The following ANTXR1 variants were observed in gnomAD, a reference collection of about 807,000 sequenced individuals.
The protein encoded by ANTXR1 is ANTXR cell adhesion molecule 1.
Under a neutral mutation model 78.1 loss-of-function variants are expected in ANTXR1, and 19 were observed. The observed-to-expected ratio is 0.24, with a 90% confidence interval of 0.17 to 0.36. The LOEUF (loss-of-function observed/expected upper bound fraction) is 0.36, where lower values mean the gene tolerates loss of function less well. ANTXR1 is among the 10% of genes least tolerant of loss of function. ANTXR1 has a pLI of 1.00. For synonymous variants in ANTXR1, 273 were observed against 260.5 expected (o/e 1.05, Z -0.46); for missense variants, 518 against 718.6 (o/e 0.72, Z 3.19).
chr2:69,150,674 C>CTATT (rs55680731), intron 12 of ANTXR1, among the ~76,000 whole-genome samples: 92,364 of 151,350 alleles, frequency 0.61, 29,340 homozygotes, highest in East Asian at 0.85. Flanking sequence ...ATACATAAAT[C>CTATT]CATTATACCA....
intron 4 of ANTXR1, among the ~76,000 whole-genome samples, chr2:69,071,181 C>T (rs1670553329): frequency 6.6e-6 from 1 of 152,202 alleles, no homozygotes; most frequent in South Asian, 2.1e-4. Context: ...TCCATGTTGA[C>T]AACTACAGTC....
At chr2:69,118,915 C>T (rs1173914449) in intron 10 of ANTXR1, among the ~76,000 whole-genome samples, 8 of 152,112 alleles carry the variant, frequency 5.3e-5, no homozygotes, top group Admixed American at 4.6e-4. Context: ...ACAATCCTCT[C>T]GGAGCAGAAA....
In ANTXR1 at chr2:69,124,695, C is replaced by T. The variant is rs771886444; in HGVS notation, c.951+52C>T. On this transcript the variant is annotated intron_variant, in intron 12 of 17. Coordinates refer to ENST00000303714, the MANE Select transcript of ANTXR1 (RefSeq NM_032208.3). ...AAGATCTCATTATCATTGTCACTATCAACGTTTCTTAAGCAGTAATCTTCT... is the reference window on the plus strand; with the variant it reads ...AAGATCTCATTATCATTGTCACTATTAACGTTTCTTAAGCAGTAATCTTCT... 3.1e-6 allele frequency: 5 copies of T among 1,588,636 alleles called. No homozygotes were observed. In the South Asian group the frequency reaches 4.4e-5, roughly 14 times the overall value.
chr2:69,127,220 G>T (rs1672569357), intron 12 of ANTXR1, among the ~76,000 whole-genome samples: 1 of 152,158 alleles, frequency 6.6e-6, no homozygotes, highest in African/African-American at 2.4e-5. Flanking sequence ...AAGCGAGTAG[G>T]TTCCAATTGT....
intron 1 of ANTXR1, among the ~76,000 whole-genome samples, chr2:69,026,411 G>A (rs930393053): frequency 1.3e-5 from 2 of 152,200 alleles, no homozygotes; most frequent in East Asian, 1.9e-4. Context: ...TCAGAACAGC[G>A]TTGGCCACAC....
intron 13 of ANTXR1, among the ~76,000 whole-genome samples, chr2:69,163,809 C>T (rs1446782728): frequency 6.6e-6 from 1 of 152,236 alleles, no homozygotes; most frequent in African/African-American, 2.4e-5. Context: ...GCAGCATTTT[C>T]ACATTCACCT....
At chr2:69,059,724 A>G (rs1670177156) in intron 3 of ANTXR1, among the ~76,000 whole-genome samples, 1 of 152,190 alleles carries the variant, frequency 6.6e-6, no homozygotes, top group African/African-American at 2.4e-5. Context: ...TAACTTTTAT[A>G]TGCACTGGGA....
chr2:69,055,407 G>A (rs1307953799), intron 3 of ANTXR1, among the ~76,000 whole-genome samples: 3 of 152,170 alleles, frequency 2.0e-5, no homozygotes, highest in Non-Finnish European at 4.4e-5. Context: ...TGTCTCTACA[G>A]AAGGTTTGTT....
chr2:69,117,054 T>C (rs1672167565), intron 10 of ANTXR1, among the ~76,000 whole-genome samples: 2 of 152,188 alleles, frequency 1.3e-5, no homozygotes, highest in Admixed American at 1.3e-4. Context: ...ATGGCTTCAT[T>C]CTAGTTGGCA....
chr2:69,029,786 T>C (rs1671473669), intron 1 of ANTXR1, among the ~76,000 whole-genome samples: 1 of 151,690 alleles, frequency 6.6e-6, no homozygotes, highest in African/African-American at 2.4e-5. Flanking sequence ...GGAAAATATA[T>C]GTGAAAAAAT....
chr2:69,115,055 TG>T (rs1028882947), intron 10 of ANTXR1, among the ~76,000 whole-genome samples: 1 of 152,170 alleles, frequency 6.6e-6, no homozygotes, highest in Non-Finnish European at 1.5e-5. Flanking sequence ...AATTTATAGC[TG>T]GGGAGTGGGG....
At chr2:69,200,524 G>A (rs1194661629) in intron 17 of ANTXR1, among the ~76,000 whole-genome samples, 1 of 152,200 alleles carries the variant, frequency 6.6e-6, no homozygotes, top group Non-Finnish European at 1.5e-5. Context: ...CTGCACTCTT[G>A]CATTCTCTCT....
rs540484720 is a variant in ANTXR1 at position 69,137,205 on chromosome 2, G to T, written c.951+12562G>T. ...ATGTTGTGTTTTTTTTAAGTTTATG[G>T]TTCTACTTTTTCTGGTCTCTCGCTT... On this transcript the variant is annotated intron_variant, in intron 12 of 17. Transcript: ENST00000303714. Among the ~76,000 whole-genome samples, 3 of 152,038 alleles carry T rather than the reference G, an allele frequency of 2.0e-5. No individual in the cohort carries two copies. The South Asian group carries it at 6.2e-4, about 32-fold the overall frequency.
rs749773770 is a variant in ANTXR1, at chr2:69,245,504, T to A, written c.*19T>A. 5 of 1,612,422 alleles carry A rather than the reference T, an allele frequency of 3.1e-6. No individual in the cohort carries two copies. The South Asian group carries it at 4.4e-5, about 14-fold the overall frequency. ...TGTCTAGAGCCCAAAGTTCCTGCTCTGGGCTCTCTCAGAAACTTCAGGAGA... is the reference window on the plus strand; with the variant it reads ...TGTCTAGAGCCCAAAGTTCCTGCTCAGGGCTCTCTCAGAAACTTCAGGAGA... On this transcript the variant is annotated 3_prime_UTR_variant, in exon 18 of 18. Transcript: ENST00000303714.
At chr2:69,142,585 C>A (rs571837871) in intron 12 of ANTXR1, among the ~76,000 whole-genome samples, 2 of 152,304 alleles carry the variant, frequency 1.3e-5, no homozygotes, top group East Asian at 3.9e-4. Context: ...AAAACCGTGT[C>A]CATTTTATGC....
intron 14 of ANTXR1, among the ~76,000 whole-genome samples, chr2:69,179,384 A>G (rs770526882): frequency 1.3e-5 from 2 of 152,014 alleles, no homozygotes; most frequent in Non-Finnish European, 2.9e-5. Context: ...CCATCTTTAC[A>G]AAAAATAGAA....
intron 12 of ANTXR1, among the ~76,000 whole-genome samples, chr2:69,128,296 A>C (rs1672614669): frequency 6.6e-6 from 1 of 152,204 alleles, no homozygotes; most frequent in Non-Finnish European, 1.5e-5. Context: ...AAGATAATAA[A>C]AAATTTATAT....
chr2:69,226,055 T>C (rs1675443228), intron 17 of ANTXR1, among the ~76,000 whole-genome samples: 1 of 152,112 alleles, frequency 6.6e-6, no homozygotes, highest in African/African-American at 2.4e-5. Context: ...TGCCTCTCCA[T>C]TGCATTCCTC....
At chr2:69,153,073 C>CT (rs1171628129) in intron 13 of ANTXR1, among the ~76,000 whole-genome samples, 1 of 152,194 alleles carries the variant, frequency 6.6e-6, no homozygotes, top group Admixed American at 6.5e-5. Flanking sequence ...TGTGCCCTGC[C>CT]TTTCAACAAA....
Sources: gnomAD v4.1 joint callset for allele counts (sites outside exome capture counted in the v4.1 genomes callset) on GRCh38, gnomAD v4.1.1 for gene constraint, MANE v1.5 for transcripts, NCBI Gene and HGNC (gene_info 2026-07-23, HGNC 2026-07-21) for gene names.